Variants in HPS1 observed in about 807,000 individuals in gnomAD.
HPS1 encodes the protein HPS1 biogenesis of lysosomal organelles complex 3 subunit 1, also known as BLOC-3 complex member HPS1.
Under a neutral mutation model 90.6 loss-of-function variants are expected in HPS1, and 59 were observed. The ratio of observed to expected loss-of-function variants is 0.65; its 90% CI spans 0.53 to 0.81. The LOEUF is 0.81. Among genes scored for constraint, HPS1 ranks in the 30% least tolerant of loss-of-function variants. The pLI is 0.00. For synonymous variants in HPS1, 388 were observed against 384.4 expected (o/e 1.01, Z -0.11); for missense variants, 849 against 896.7 (o/e 0.95, Z 0.68).
At chr10:98,415,310 G>A (rs578043454), downstream of HPS1, 75 of 829,810 alleles carry the variant, frequency 9.0e-5, 1 homozygote, top group East Asian at 2.1e-3. Flanking sequence ...CTGCCCTGGG[G>A]CTGTGCTGGG....
Position 98,424,342 on chromosome 10 carries a change from G to A in HPS1, c.1368C>T (p.Phe456=), listed in dbSNP as rs374807297. 1 of 1,613,032 alleles carries A rather than the reference G, an allele frequency of 6.2e-7. No individual in the cohort carries two copies. Among genetic ancestry groups the A allele is most frequent in the African/African-American group, 1.3e-5 (1 of 75,028 alleles). The change falls in exon 14 of 20, where the codon TTC becomes TTT. Residue 456 remains phenylalanine (F), a synonymous_variant. Coordinates refer to ENST00000361490, the MANE Select transcript of HPS1 (RefSeq NM_000195.5). ...STWLEFKAKA[F]SKSEPGSSWE... ...AGGAGGATCCGGGCTCACTTTTGGA[G>A]AAAGCCTTGGCCTTAAACTCCAGCC... is the stretch of plus-strand genomic sequence containing the variant.
chr10:98,419,704 G>C (rs535895999), intron 18 of HPS1, among the ~76,000 whole-genome samples: 35 of 152,350 alleles, frequency 2.3e-4, no homozygotes, highest in South Asian at 1.2e-3. Context: ...TGCCACACTT[G>C]GCATGTGACG....
downstream of HPS1, chr10:98,414,897 T>C (rs1001584758): frequency 1.3e-5 from 19 of 1,460,510 alleles, no homozygotes; most frequent in Admixed American, 8.6e-5. Flanking sequence ...GGCTGGGTTA[T>C]GCCAGAGGAG....
At chr10:98,436,656 T>C (rs962297673) in intron 3 of HPS1, among the ~76,000 whole-genome samples, 13 of 152,110 alleles carry the variant, frequency 8.5e-5, no homozygotes, top group Non-Finnish European at 1.9e-4. Flanking sequence ...GTGAATAAAA[T>C]GGGATAAAGC....
At chr10:98,426,434 C>T (rs1845611660) in intron 11 of HPS1, among the ~76,000 whole-genome samples, 2 of 152,234 alleles carry the variant, frequency 1.3e-5, no homozygotes, top group African/African-American at 4.8e-5. Flanking sequence ...ACCAAATGGG[C>T]AAGGCTCCAG....
rs1480818811 is a variant in HPS1, at chr10:98,433,865, C to T, written c.507+118G>A. ...GAAAGAACAACTCTCTCTGAATACACGAGTTTCAGGGGCTGCTTGTGCCTT... is the reference window on the plus strand; with the variant it reads ...GAAAGAACAACTCTCTCTGAATACATGAGTTTCAGGGGCTGCTTGTGCCTT... On this transcript the variant is annotated intron_variant, in intron 6 of 19. Transcript: ENST00000361490. 7.1e-6 allele frequency: 10 copies of T among 1,409,230 alleles called. No homozygotes were observed. The South Asian group carries it at 8.7e-5, about 12-fold the overall frequency. 87.3% of individuals were successfully genotyped at this position (1,409,230 alleles called of 1,614,324 possible). A position where few individuals can be genotyped will look rare whatever the true frequency, so the allele number is the denominator to read the frequency against.
At position 98,425,493 on chromosome 10, in the gene HPS1, C is replaced by T. The variant is rs41317034; in HGVS notation, c.1335+48G>A. 140,570 of 1,564,768 alleles carry T rather than the reference C, an allele frequency of 0.09. 6,842 individuals are homozygous for T. Among genetic ancestry groups the T allele is most frequent in the East Asian group, 0.17 (7,140 of 43,270 alleles). On this transcript the variant is annotated intron_variant, in intron 13 of 19. Coordinates refer to ENST00000361490, the MANE Select transcript of HPS1 (RefSeq NM_000195.5). ...CTGTGGACCGGATGTACCCTGCTGC[C>T]AGCCCTGCCTCTTCCCCAGGTGGGG...
intron 17 of HPS1, among the ~76,000 whole-genome samples, chr10:98,421,760 A>G (rs530649412): frequency 6.6e-6 from 1 of 152,348 alleles, no homozygotes; most frequent in South Asian, 2.1e-4. Context: ...TGTACTCTTC[A>G]TAACTCTGTG....
Position 98,435,187 on chromosome 10 carries a change from C to A in HPS1, c.398+85G>T. ...GCTGGGGGCAGTATGTGAAAAATGG[C>A]AGCTTCACAGGGGCTGGGCACACGC... On this transcript the variant is annotated intron_variant, in intron 5 of 19. Transcript: ENST00000361490. The surrounding 1 kb of genome is among the most constrained non-coding windows in gnomAD (Gnocchi z 4.3). 4 of 1,558,418 alleles carry A rather than the reference C, an allele frequency of 2.6e-6. No individual in the cohort carries two copies. The highest frequency in any genetic ancestry group is 2.2e-5 in the South Asian group (2 of 89,420).
chr10:98,436,044 G>A (rs557994397), intron 3 of HPS1, among the ~76,000 whole-genome samples: 1 of 152,226 alleles, frequency 6.6e-6, no homozygotes, highest in Non-Finnish European at 1.5e-5. Flanking sequence ...CATTACAACA[G>A]TGGAATGTGG....
chr10:98,437,832 A>ATC (rs1378936681), intron 3 of HPS1, among the ~76,000 whole-genome samples: 7 of 152,166 alleles, frequency 4.6e-5, no homozygotes, highest in African/African-American at 1.7e-4. Context: ...TCCCCATCAA[A>ATC]TCTCATCTTG....
At chr10:98,439,321 C>T (rs1039643105) in intron 3 of HPS1, among the ~76,000 whole-genome samples, 3 of 152,252 alleles carry the variant, frequency 2.0e-5, no homozygotes, top group Admixed American at 6.5e-5. Context: ...CTGGAAAAGC[C>T]GCAGACACTC....
In HPS1 at chr10:98,435,356, A is replaced by C; in HGVS notation, c.314T>G (p.Leu105Arg). The C allele has an allele frequency of 6.2e-7, 1 of 1,613,690 alleles. No individual in the cohort carries two copies. Among genetic ancestry groups the C allele is most frequent in the Non-Finnish European group, 8.5e-7 (1 of 1,179,934 alleles). The change falls in exon 5 of 20, where the codon CTG (leucine) becomes CGG (arginine). Residue 105 changes from leucine to arginine, a missense_variant. Leu to Arg is a moderately radical substitution (Grantham distance 102, BLOSUM62 -2). Transcript: ENST00000361490. This position sits in a 1 kb window ranked among gnomAD's most constrained non-coding sequence, Gnocchi z 4.3. Reference sequence around the variant, plus strand: ...CTTGAGCACATACAGCTTCCGCCGCAGGTCCCCCTCGCTCTCGGTGTGGTC... The same window carrying C: ...CTTGAGCACATACAGCTTCCGCCGCCGGTCCCCCTCGCTCTCGGTGTGGTC... Reference protein sequence around the residue: ...NGDHTESEGDLRRKLYVLKYL... With the variant: ...NGDHTESEGDRRRKLYVLKYL...
intron 3 of HPS1, among the ~76,000 whole-genome samples, chr10:98,439,631 G>A (rs754079518): frequency 6.6e-6 from 1 of 152,286 alleles, no homozygotes; most frequent in Admixed American, 6.5e-5. Context: ...GGTCATAGGT[G>A]GAAGGGACTT....
At chr10:98,424,986 G>C (rs567055887) in intron 13 of HPS1, among the ~76,000 whole-genome samples, 5 of 152,210 alleles carry the variant, frequency 3.3e-5, no homozygotes, top group African/African-American at 9.6e-5. Context: ...CCCCACTGCC[G>C]TCCAGGCCCT....
In HPS1 at chr10:98,422,465, G is replaced by A. The variant is rs886046591; in HGVS notation, c.1647C>T (p.Arg549=). ...PGLVHFIYVD[R]TTGQMVAPSL... ...AAGGCGCCACCATCTGCCCAGTGGT[G>A]CGGTCCACATAGATGAAGTGCACCA... The change falls in exon 17 of 20, where the codon CGC becomes CGT. Residue 549 remains arginine (R), a synonymous_variant. Transcript: ENST00000361490. 6 of 1,614,112 alleles carry A rather than the reference G, an allele frequency of 3.7e-6. No homozygotes were observed. The highest frequency in any genetic ancestry group is 5.1e-6 in the Non-Finnish European group (6 of 1,179,946).
intron 10 of HPS1, among the ~76,000 whole-genome samples, chr10:98,428,427 C>T (rs1845893783): frequency 1.3e-5 from 2 of 152,192 alleles, no homozygotes; most frequent in Admixed American, 6.5e-5. Context: ...CATGCTGTAA[C>T]CTAAATCTGT....
intron 10 of HPS1, among the ~76,000 whole-genome samples, chr10:98,428,848 G>GTT (rs1231660893): frequency 1.4e-5 from 2 of 142,474 alleles, no homozygotes; most frequent in African/African-American, 2.6e-5. Context: ...GTTTTGTTTT[G>GTT]TTTTTTTTTT....
At chr10:98,431,001 C>G in intron 7 of HPS1, 130 bp downstream of exon 7, 1 of 944,780 alleles carries the variant, frequency 1.1e-6, no homozygotes, top group South Asian at 1.4e-5. Flanking sequence ...AGAATCAAAT[C>G]TGGGAAGGTT....
Sources: allele counts gnomAD v4.1 joint callset (sites outside exome capture counted in the v4.1 genomes callset), GRCh38; gene constraint gnomAD v4.1.1; non-coding constraint Gnocchi (gnomAD v3.1); transcripts MANE v1.5; gene names NCBI Gene and HGNC (gene_info 2026-07-23, HGNC 2026-07-21).